SOX6: variants seen among roughly 807,000 people sequenced by gnomAD.
SOX6 encodes transcription factor SOX-6.
SOX6 carries 11 observed loss-of-function variants against 97.8 expected under a neutral mutation model. That is an observed-to-expected ratio of 0.11 (90% confidence interval 0.07 to 0.19). The LOEUF (loss-of-function observed/expected upper bound fraction) is 0.19. Ranked by LOEUF, SOX6 falls within the 10% of genes least tolerant of loss-of-function variation. SOX6 has a pLI of 1.00. For synonymous variants in SOX6, 360 were observed against 371.4 expected (o/e 0.97, Z 0.35); for missense variants, 810 against 1,039.5 (o/e 0.78, Z 3.04).
At chr11:16,151,082 A>G in intron 6 of SOX6, among the ~76,000 whole-genome samples, 1 of 152,254 alleles carries the variant, frequency 6.6e-6, no homozygotes, top group South Asian at 2.1e-4. Context: ...AGTAAATAAT[A>G]CCTCTTTTAT....
At position 15,972,738 on chromosome 11, in the gene SOX6, C is replaced by T; in HGVS notation, c.*71G>A. On this transcript the variant is annotated 3_prime_UTR_variant, in exon 16 of 16. Coordinates refer to ENST00000683767, the MANE Select transcript of SOX6 (RefSeq NM_001367873.1). ...TTGTGGAGCCACAAATGCATGCGGG[C>T]TCTTTAATAACTCTTTGTTGGGGAG... The T allele has an allele frequency of 1.3e-6, 2 of 1,520,134 alleles. No individual in the cohort carries two copies. The highest frequency in any genetic ancestry group is 2.2e-5 in the South Asian group (2 of 89,122). The allele number at this position is 1,520,134 out of a possible 1,614,324, so 94.2% of individuals were successfully genotyped here. A position where few individuals can be genotyped will look rare whatever the true frequency, so the allele number is the denominator to read the frequency against.
chr11:16,265,683 AT>A (rs1479940037), intron 3 of SOX6, among the ~76,000 whole-genome samples: 5 of 152,026 alleles, frequency 3.3e-5, no homozygotes, highest in African/African-American at 4.8e-5. Context: ...TTAAAACTAT[AT>A]TTTTTACATG....
At position 16,401,618 on chromosome 11, in the gene SOX6, T is replaced by C. The variant is rs149579218; in HGVS notation, c.-4-60366A>G. On this transcript the variant is annotated intron_variant, in intron 1 of 15. Transcript: ENST00000396356. ...CATTTCAACTTTCCAGTCTCGCTTT[T>C]TAAATTTTTCAAATATAAGATTTGG... Among the ~76,000 whole-genome samples, 555 of 151,668 alleles carry C rather than the reference T, an allele frequency of 3.7e-3. 2 individuals carry two copies. Among genetic ancestry groups the C allele is most frequent in the African/African-American group, 0.012 (490 of 41,488 alleles).
intron 3 of SOX6, among the ~76,000 whole-genome samples, chr11:16,260,354 T>G (rs1565054366): frequency 6.6e-6 from 1 of 152,156 alleles, no homozygotes; most frequent in East Asian, 1.9e-4. Flanking sequence ...CACAAATCCT[T>G]AAGTAATATA....
intron 4 of SOX6, among the ~76,000 whole-genome samples, chr11:16,202,533 T>C (rs1413663306): frequency 1.3e-5 from 2 of 152,152 alleles, no homozygotes; most frequent in Non-Finnish European, 2.9e-5. Context: ...CAGCCTACAA[T>C]TATTCAAGAG....
chr11:16,254,314 T>C (rs948159610), intron 3 of SOX6, among the ~76,000 whole-genome samples: 1 of 152,098 alleles, frequency 6.6e-6, no homozygotes, highest in Non-Finnish European at 1.5e-5. Context: ...TCTTGATTGA[T>C]CTAGAGATAA....
rs938745007 is a variant in SOX6 at position 16,265,532 on chromosome 11, A to G, written c.446-30861T>C. On this transcript the variant is annotated intron_variant, in intron 3 of 15. Transcript: ENST00000683767. ...AATATCCAACAAGGTAAAATTCACC[A>G]TGGCTAGTATTCAACTTTTTAAAAA... Among the ~76,000 whole-genome samples, 8 of 151,900 alleles carry G rather than the reference A, an allele frequency of 5.3e-5. 1 individual carries two copies. The highest frequency in any genetic ancestry group is 1.9e-4 in the African/African-American group (8 of 41,416).
At chr11:16,721,048 C>T (rs1055506754) in intron 2 of SOX6, among the ~76,000 whole-genome samples, 2 of 152,106 alleles carry the variant, frequency 1.3e-5, no homozygotes, top group African/African-American at 4.8e-5. Flanking sequence ...TAGTGGGGTA[C>T]ATTTTACCCA....
At chr11:16,684,763 C>T (rs1177646238) in intron 3 of SOX6, among the ~76,000 whole-genome samples, 1 of 151,676 alleles carries the variant, frequency 6.6e-6, no homozygotes, top group Non-Finnish European at 1.5e-5. Flanking sequence ...AAAGTAAAGG[C>T]CTTTCTCTTT....
chr11:16,065,746 C>CA (rs1334727031), intron 9 of SOX6, among the ~76,000 whole-genome samples: 2 of 152,020 alleles, frequency 1.3e-5, no homozygotes, highest in Non-Finnish European at 2.9e-5. Context: ...TAGCCTTATA[C>CA]AAAAATCAAA....
intron 4 of SOX6, among the ~76,000 whole-genome samples, chr11:16,206,212 G>A (rs984055491): frequency 6.6e-6 from 1 of 151,990 alleles, no homozygotes; most frequent in Admixed American, 6.6e-5. Flanking sequence ...CATTATAAAG[G>A]TCAATTTCTT....
At chr11:16,664,682 G>A (rs1460497844) in intron 3 of SOX6, among the ~76,000 whole-genome samples, 2 of 152,066 alleles carry the variant, frequency 1.3e-5, no homozygotes, top group Admixed American at 6.5e-5. Context: ...AGTGGACTCG[G>A]CGGGGCACAT....
At chr11:16,310,361 A>G (rs1855564173) in intron 3 of SOX6, among the ~76,000 whole-genome samples, 1 of 152,102 alleles carries the variant, frequency 6.6e-6, no homozygotes, top group Admixed American at 6.6e-5. Context: ...TAGACTATAC[A>G]TAATTCTTTT....
intron 13 of SOX6, among the ~76,000 whole-genome samples, chr11:16,012,716 C>A (rs942669727): frequency 6.6e-6 from 1 of 151,976 alleles, no homozygotes; most frequent in Non-Finnish European, 1.5e-5. Context: ...GGGAGAATCT[C>A]AGCTCTACCC....
intron 1 of SOX6, among the ~76,000 whole-genome samples, chr11:16,419,923 C>T (rs576609522): frequency 2.6e-5 from 4 of 152,240 alleles, no homozygotes; most frequent in African/African-American, 9.6e-5. Flanking sequence ...AAGAACATCC[C>T]TACATGACGG....
At chr11:16,710,839 T>C (rs1311078644) in intron 3 of SOX6, among the ~76,000 whole-genome samples, 1 of 152,162 alleles carries the variant, frequency 6.6e-6, no homozygotes, top group Non-Finnish European at 1.5e-5. Flanking sequence ...CACATATATA[T>C]CTCAAAAACA....
chr11:16,698,217 C>T (rs1848068059), intron 3 of SOX6, among the ~76,000 whole-genome samples: 1 of 152,178 alleles, frequency 6.6e-6, no homozygotes, highest in Non-Finnish European at 1.5e-5. Context: ...TCATCATGAT[C>T]TTAGCTAGAT....
At chr11:16,222,972 C>T (rs1444206388) in intron 4 of SOX6, among the ~76,000 whole-genome samples, 4 of 152,036 alleles carry the variant, frequency 2.6e-5, no homozygotes, top group Admixed American at 6.6e-5. Flanking sequence ...TCCTACAGTA[C>T]GAATTATGCA....
At chr11:16,423,322 C>G (rs1859056938) in intron 1 of SOX6, among the ~76,000 whole-genome samples, 1 of 152,120 alleles carries the variant, frequency 6.6e-6, no homozygotes, top group Non-Finnish European at 1.5e-5. Context: ...ATCAGAGAAG[C>G]CTTCTCTGAC....
Sources: allele counts gnomAD v4.1 joint callset (sites outside exome capture counted in the v4.1 genomes callset), GRCh38; gene constraint gnomAD v4.1.1; transcripts MANE v1.5; gene names NCBI Gene and HGNC (gene_info 2026-07-23, HGNC 2026-07-21).